The following VKORC1 variants were observed in gnomAD, a reference collection of about 807,000 sequenced individuals.
VKORC1 encodes vitamin K epoxide reductase complex subunit 1.
In VKORC1, 12 loss-of-function variants were observed where a neutral mutation model predicts 14.8. That is an observed-to-expected ratio of 0.81 (90% CI 0.52 to 1.31). The LOEUF (loss-of-function observed/expected upper bound fraction) is 1.31. Among genes scored for constraint, VKORC1 ranks in the 50% most tolerant of loss-of-function variants. The pLI is 0.00. For missense variants in VKORC1, 223 were observed against 215.3 expected (o/e 1.04, Z -0.22); for synonymous variants, 94 against 92.5 (o/e 1.02, Z -0.09).
At chr16:31,094,418 C>T (rs756665576) in intron 1 of VKORC1, 139 bp downstream of exon 1, 2 of 1,612,944 alleles carry the variant, frequency 1.2e-6, no homozygotes, top group Non-Finnish European at 1.7e-6. Context: ...CTGGGTAGCT[C>T]AGCCCCTGTG....
chr16:31,093,482 C>T (rs1250004939), intron 1 of VKORC1, 61 bp from the exon 2 acceptor site: 1 of 1,612,268 alleles, frequency 6.2e-7, no homozygotes, highest in South Asian at 1.1e-5. Flanking sequence ...TGCCTTGGAC[C>T]CTGCCCGAGA....
Position 31,094,793 on chromosome 16 carries a change from C to T in VKORC1, c.-64G>A. The T allele has an allele frequency of 4.5e-6, 7 of 1,541,094 alleles. No individual in the cohort carries two copies. The South Asian group carries it at 5.9e-5, about 13-fold the overall frequency. On this transcript the variant is annotated 5_prime_UTR_variant, in exon 1 of 3. Coordinates refer to ENST00000394975, the MANE Select transcript of VKORC1 (RefSeq NM_024006.6). The stretch of plus-strand genomic sequence containing the variant: ...CAGCCACGGAGCAGGGGCCGGGCGG[C>T]GAATGGCCGCGCCCCTCCTGGCCCT...
At position 31,091,335 on chromosome 16, in the gene VKORC1, C is replaced by T. The variant is rs752034077; in HGVS notation, c.291G>A (p.Leu97=). The part of the protein sequence containing the change: ...FYTLQLLLGC[L]RTRWASVLML... ...TCAGGACAGAGGCCCAGCGTGTCCG[C>T]AGGCAACCTGCAAGGCAGAAGAGGG... The change falls in exon 3 of 3, where the codon CTG becomes CTA. Residue 97 remains leucine, a synonymous_variant. Coordinates refer to ENST00000394975, the MANE Select transcript of VKORC1 (RefSeq NM_024006.6). The T allele has an allele frequency of 6.2e-7, 1 of 1,613,534 alleles. No homozygotes were observed.
At position 31,094,668 on chromosome 16, in the gene VKORC1, A is replaced by G; in HGVS notation, c.62T>C (p.Val21Ala). The change falls in exon 1 of 3, where the codon GTG becomes GCG. Residue 21 changes from valine (V) to alanine (A), a missense_variant. Coordinates refer to ENST00000394975, the MANE Select transcript of VKORC1 (RefSeq NM_024006.6). ...CACGTGCAGCGCGTAGAGCGAGAGCACTAAGCCCGTCAGGCAAAGAGCGAG... is the reference window on the plus strand; with the variant it reads ...CACGTGCAGCGCGTAGAGCGAGAGCGCTAAGCCCGTCAGGCAAAGAGCGAG... ...VRLALCLTGL[V>A]LSLYALHVKA... The G allele has an allele frequency of 1.2e-6, 2 of 1,608,000 alleles. No individual in the cohort carries two copies. Among genetic ancestry groups the G allele is most frequent in the African/African-American group, 1.3e-5 (1 of 75,024 alleles).
chr16:31,093,537 ACCT>A, intron 1 of VKORC1, 116 bp from the exon 2 acceptor site: 1 of 1,560,332 alleles, frequency 6.4e-7, no homozygotes, highest in South Asian at 1.2e-5. Context: ...CTGTTCCCCG[ACCT>A]CCCATCCTAG....
chr16:31,094,212 C>G (rs760623104), intron 1 of VKORC1: 1 of 1,598,988 alleles, frequency 6.3e-7, no homozygotes, highest in African/African-American at 1.3e-5. Context: ...CTGGGCGCAG[C>G]CATCGCCAAC....
chr16:31,092,345 A>G (rs1035900016), intron 2 of VKORC1, among the ~76,000 whole-genome samples: 164 of 151,042 alleles, frequency 1.1e-3, no homozygotes, highest in African/African-American at 3.9e-3. Flanking sequence ...AAAAAAAAAG[A>G]AGGCTTCAAC....
Position 31,094,705 on chromosome 16 carries a change from C to T in VKORC1, c.25G>A (p.Gly9Ser). 1 of 1,608,254 alleles carries T rather than the reference C, an allele frequency of 6.2e-7. No homozygotes were observed. The highest frequency in any genetic ancestry group is 8.5e-7 in the Non-Finnish European group (1 of 1,178,826). Reference sequence around the variant, plus strand: ...AGGCAAAGAGCGAGCCGCACCCAGCCAGGGCTCCCCCAGGTGCTGCCCATT... The same window carrying T: ...AGGCAAAGAGCGAGCCGCACCCAGCTAGGGCTCCCCCAGGTGCTGCCCATT... Reference protein sequence around the residue: MGSTWGSPGWVRLALCLTG... With the variant: MGSTWGSPSWVRLALCLTG... Residue 9 changes from glycine to serine, a missense_variant, in exon 1 of 3, where the codon GGC (glycine) becomes AGC (serine). Coordinates refer to ENST00000394975, the MANE Select transcript of VKORC1 (RefSeq NM_024006.6).
chr16:31,094,447 T>C, intron 1 of VKORC1, 110 bp downstream of exon 1: 1 of 1,612,918 alleles, frequency 6.2e-7, no homozygotes, highest in South Asian at 1.1e-5. Context: ...CCGCGAGCAG[T>C]CCAGCCCCGT....
At position 31,094,719 on chromosome 16, in the gene VKORC1, G is replaced by T. The variant is rs756150795; in HGVS notation, c.11C>A (p.Thr4Asn). MGSTWGSPGWVRLA... is the reference protein window; with the variant it reads MGSNWGSPGWVRLA... ...CCGCACCCAGCCAGGGCTCCCCCAG[G>T]TGCTGCCCATTATCTCCAGGTTCCG... Residue 4 changes from threonine to asparagine, a missense_variant, in exon 1 of 3, where the codon ACC becomes AAC. Transcript: ENST00000394975. The T allele has an allele frequency of 6.2e-7, 1 of 1,605,908 alleles. No homozygotes were observed. Among genetic ancestry groups the T allele is most frequent in the Non-Finnish European group, 8.5e-7 (1 of 1,178,074 alleles).
intron 2 of VKORC1, among the ~76,000 whole-genome samples, chr16:31,091,776 G>A (rs1056106620): frequency 6.6e-6 from 1 of 152,096 alleles, no homozygotes; most frequent in Admixed American, 6.5e-5. Context: ...AATCCCAGCT[G>A]CTGGGGAGGC....
rs2057285202 is a variant in VKORC1, at chr16:31,091,040, T to A, written c.*94A>T. On this transcript the variant is annotated 3_prime_UTR_variant, in exon 3 of 3. Coordinates refer to ENST00000394975, the MANE Select transcript of VKORC1 (RefSeq NM_024006.6). ...GAGGGGGTAATCTAGAAGCCCCACA[T>A]CTAGGGCCTTCTAGGGACCCAGATA... 1.3e-6 allele frequency: 2 copies of A among 1,548,722 alleles called. No homozygotes were observed. Among genetic ancestry groups the A allele is most frequent in the Admixed American group, 3.9e-5 (2 of 51,538 alleles).
chr16:31,093,243 T>C, intron 2 of VKORC1, 69 bp downstream of exon 2: 1 of 1,157,188 alleles, frequency 8.6e-7, no homozygotes, highest in Non-Finnish European at 1.1e-6. Flanking sequence ...TTGCATGGAG[T>C]GGGGCTGAGC....
intron 1 of VKORC1, chr16:31,094,184 G>A: frequency 3.8e-6 from 6 of 1,581,376 alleles, no homozygotes; most frequent in African/African-American, 1.3e-5. Flanking sequence ...CGCACAGCCA[G>A]ACCGGGCCAC....
chr16:31,094,196 T>A, intron 1 of VKORC1: 1 of 1,591,606 alleles, frequency 6.3e-7, no homozygotes, highest in Non-Finnish European at 8.6e-7. Context: ...CCGGGCCACC[T>A]TGTTCCTGGG....
At position 31,093,439 on chromosome 16, in the gene VKORC1, T is replaced by A. The variant is rs2057304212; in HGVS notation, c.174-18A>T. 6.2e-7 allele frequency: 1 copy of A among 1,613,966 alleles called. No individual in the cohort carries two copies. Among genetic ancestry groups the A allele is most frequent in the South Asian group, 1.1e-5 (1 of 91,078 alleles). On this transcript the variant is annotated intron_variant, in intron 1 of 2. Coordinates refer to ENST00000394975, the MANE Select transcript of VKORC1 (RefSeq NM_024006.6). ...TGCCCCACCTGGCAGAGGGGTGGGG[T>A]GGGGTGGAACCAGGTTAGGACTGTC...
In VKORC1 at chr16:31,093,299, C is replaced by G. The variant is rs776919311; in HGVS notation, c.283+13G>C. 3 of 1,610,250 alleles carry G rather than the reference C, an allele frequency of 1.9e-6. No homozygotes were observed. Among genetic ancestry groups the G allele is most frequent in the African/African-American group, 1.3e-5 (1 of 74,720 alleles). ...CGGGGCGGGGCGGGCAGGGAGGGGG[C>G]GGAGCCACTCACCTAACAATAGCTG... On this transcript the variant is annotated intron_variant, in intron 2 of 2. Transcript: ENST00000394975.
chr16:31,094,073 C>CG (rs1163638375), intron 1 of VKORC1: 1 of 1,270,398 alleles, frequency 7.9e-7, no homozygotes. Context: ...GACTGGGAGT[C>CG]GGGGGCAGAT....
chr16:31,091,841 A>C (rs1596795578), intron 2 of VKORC1, among the ~76,000 whole-genome samples: 1 of 151,642 alleles, frequency 6.6e-6, no homozygotes, highest in East Asian at 2.0e-4. Context: ...AGCCGAGATC[A>C]TGCCACCACA....
Sources: gnomAD v4.1 joint callset for allele counts (sites outside exome capture counted in the v4.1 genomes callset) on GRCh38, gnomAD v4.1.1 for gene constraint, MANE v1.5 for transcripts, NCBI Gene and HGNC (gene_info 2026-07-23, HGNC 2026-07-21) for gene names.